SCML2: variants seen among roughly 807,000 people sequenced by gnomAD.
The protein encoded by SCML2 is sex comb on midleg-like protein 2.
In SCML2, 6 loss-of-function variants were observed where a neutral mutation model predicts 48.4. The ratio of observed to expected loss-of-function variants is 0.12; its 90% CI spans 0.07 to 0.24. SCML2 has a LOEUF of 0.24. Among genes scored for constraint, SCML2 ranks in the 10% least tolerant of loss-of-function variants. The pLI, the probability that SCML2 is intolerant of heterozygous loss-of-function variation, is 1.00. For synonymous variants in SCML2, 181 were observed against 189.5 expected, an observed-to-expected ratio of 0.95 and a Z score of 0.37; for missense variants, 377 against 528.2, an observed-to-expected ratio of 0.71 and a Z score of 2.81.
chrX:18,269,270 G>A (rs753633371), intron 7 of SCML2, among the ~76,000 whole-genome samples: 1 of 111,756 alleles, frequency 8.9e-6, no homozygotes, highest in African/African-American at 3.2e-5. Context: ...CCAGGTGGAG[G>A]AAATTGAATC....
At chrX:18,352,035 G>A (rs1174000108) in intron 1 of SCML2, among the ~76,000 whole-genome samples, 2 of 111,696 alleles carry the variant, frequency 1.8e-5, no homozygotes, top group South Asian at 7.5e-4. Flanking sequence ...GGGAACAGGG[G>A]CAGGAAGAGG....
chrX:18,338,849 G>A (rs1305673367), intron 1 of SCML2, among the ~76,000 whole-genome samples: 7 of 107,527 alleles, frequency 6.5e-5, no homozygotes, highest in Non-Finnish European at 1.3e-4. Flanking sequence ...GGGAAGTCGA[G>A]GCTGCAGTGA....
At chrX:18,257,656 G>T (rs1926896647) in intron 10 of SCML2, among the ~76,000 whole-genome samples, 1 of 109,861 alleles carries the variant, frequency 9.1e-6, no homozygotes. Flanking sequence ...GCGAGGCCAA[G>T]GTGGGCAGAT....
intron 7 of SCML2, among the ~76,000 whole-genome samples, chrX:18,289,811 A>G (rs2147508101): frequency 8.9e-6 from 1 of 111,777 alleles, no homozygotes; most frequent in African/African-American, 3.2e-5. Flanking sequence ...CTCTGCGCAT[A>G]CCTGAACAAA....
chrX:18,350,701 C>T (rs12837464), intron 1 of SCML2, among the ~76,000 whole-genome samples: 2 of 110,979 alleles, frequency 1.8e-5, no homozygotes, highest in Admixed American at 9.6e-5. Context: ...GCCGAGATTG[C>T]ACCTGCACTC....
Position 18,289,520 on chromosome X carries a change from G to C in SCML2, c.730+15452C>G, listed in dbSNP as rs369861618. Among the ~76,000 whole-genome samples, 17 of 111,516 alleles carry C rather than the reference G, an allele frequency of 1.5e-4. No homozygotes were observed. In the East Asian group the frequency reaches 3.9e-3, roughly 26 times the overall value. On this transcript the variant is annotated intron_variant, in intron 7 of 14. Transcript: ENST00000251900. ...CATATTTTATTATAAACTACATTAAGGGCAAAAATCTACGTAAATACTCAA... is the reference window on the plus strand; with the variant it reads ...CATATTTTATTATAAACTACATTAACGGCAAAAATCTACGTAAATACTCAA...
chrX:18,335,928 A>C (rs1299957236), intron 1 of SCML2, among the ~76,000 whole-genome samples: 1 of 111,918 alleles, frequency 8.9e-6, no homozygotes, highest in Non-Finnish European at 1.9e-5. Flanking sequence ...TAGCTAAAAC[A>C]ATCTTCAAAA....
At chrX:18,246,992 T>A (rs1328911144) in intron 12 of SCML2, among the ~76,000 whole-genome samples, 164 bp from the exon 13 acceptor site, 1 of 111,950 alleles carries the variant, frequency 8.9e-6, no homozygotes, top group Non-Finnish European at 1.9e-5. Flanking sequence ...TTGGTATGGA[T>A]GCATACACTG....
At chrX:18,307,007 G>A (rs1928777120) in intron 6 of SCML2, among the ~76,000 whole-genome samples, 1 of 110,727 alleles carries the variant, frequency 9.0e-6, no homozygotes, top group African/African-American at 3.3e-5. Context: ...AAACCACCCT[G>A]GGCTCAAACC....
intron 1 of SCML2, among the ~76,000 whole-genome samples, chrX:18,352,317 C>T (rs1316510647): frequency 8.9e-6 from 1 of 112,010 alleles, no homozygotes; most frequent in African/African-American, 3.2e-5. Flanking sequence ...TTTATACCAG[C>T]AACTCATTTT....
intron 6 of SCML2, among the ~76,000 whole-genome samples, chrX:18,308,732 C>T (rs1206864325): frequency 9.0e-6 from 1 of 111,447 alleles, no homozygotes; most frequent in Non-Finnish European, 1.9e-5. Context: ...GAAAGGAAAT[C>T]AGTATATTGA....
At chrX:18,322,329 T>A (rs1340736135) in intron 5 of SCML2, among the ~76,000 whole-genome samples, 1 of 112,018 alleles carries the variant, frequency 8.9e-6, no homozygotes, top group African/African-American at 3.2e-5. Flanking sequence ...ATAAATCTAG[T>A]TATGTATTTG....
chrX:18,265,552 C>A, intron 8 of SCML2, 33 bp downstream of exon 8: 1 of 1,082,181 alleles, frequency 9.2e-7, no homozygotes, highest in Admixed American at 2.3e-5. Context: ...CTATAAAAAC[C>A]TATAATACAA....
intron 1 of SCML2, among the ~76,000 whole-genome samples, chrX:18,334,935 G>A (rs1293342475): frequency 8.9e-6 from 1 of 111,886 alleles, no homozygotes; most frequent in African/African-American, 3.3e-5. Flanking sequence ...TCATAGGCTG[G>A]GTGCAGTGGC....
chrX:18,305,637 C>T, intron 6 of SCML2, among the ~76,000 whole-genome samples: 1 of 110,514 alleles, frequency 9.0e-6, no homozygotes, highest in Non-Finnish European at 1.9e-5. Flanking sequence ...GTCAAACAAA[C>T]CTAACAAATA....
intron 1 of SCML2, among the ~76,000 whole-genome samples, chrX:18,343,693 G>A (rs1260757707): frequency 1.9e-5 from 2 of 105,044 alleles, no homozygotes; most frequent in Non-Finnish European, 3.9e-5. Flanking sequence ...CCCGGGAGGC[G>A]GAGGTTGCAG....
At chrX:18,289,055 G>A (rs137936150) in intron 7 of SCML2, among the ~76,000 whole-genome samples, 1,865 of 111,395 alleles carry the variant, frequency 0.017, 19 homozygotes, top group Non-Finnish European at 0.028. Flanking sequence ...GGTTACCCGG[G>A]GTCAGAGAAA....
chrX:18,274,741 G>A (rs1005665417), intron 7 of SCML2, among the ~76,000 whole-genome samples: 4 of 111,409 alleles, frequency 3.6e-5, no homozygotes, highest in African/African-American at 6.5e-5. Flanking sequence ...CCCAACCATC[G>A]GAATGGACTT....
chrX:18,257,129 T>C lies in SCML2; in HGVS notation c.1274-99A>G, dbSNP rs950772767. The C allele has an allele frequency of 9.7e-6, 5 of 517,806 alleles. No individual in the cohort carries two copies. The African/African-American group carries it at 9.8e-5, about 10-fold the overall frequency. The allele number at this position is 517,806 out of a possible 1,213,427, so 42.7% of individuals were successfully genotyped here. A position where few individuals can be genotyped will look rare whatever the true frequency, so the allele number is the denominator to read the frequency against. On this transcript the variant is annotated intron_variant, in intron 10 of 14. Coordinates refer to ENST00000251900, the MANE Select transcript of SCML2 (RefSeq NM_006089.3). Reference sequence around the variant, plus strand: ...ATCACCTTAGGAAAGGTATTATAAGTCTAATTTGTGTTCTTTGTAATTCAT... The same window carrying C: ...ATCACCTTAGGAAAGGTATTATAAGCCTAATTTGTGTTCTTTGTAATTCAT...
Sources: gnomAD v4.1 joint callset for allele counts (sites outside exome capture counted in the v4.1 genomes callset) on GRCh38, gnomAD v4.1.1 for gene constraint, MANE v1.5 for transcripts, NCBI Gene and HGNC (gene_info 2026-07-23, HGNC 2026-07-21) for gene names.